TAFA1: variants seen among roughly 807,000 people sequenced by gnomAD.
TAFA1 encodes TAFA chemokine like family member 1, also known as chemokine-like protein TAFA-1.
A neutral mutation model predicts 18.5 loss-of-function variants in TAFA1; 4 were observed. The observed-to-expected ratio is 0.22, with a 90% confidence interval of 0.11 to 0.49. The LOEUF (loss-of-function observed/expected upper bound fraction) is 0.49. TAFA1 is among the 20% of genes least tolerant of loss of function. TAFA1 has a pLI of 0.98. For missense variants in TAFA1, 147 were observed against 169.0 expected, an observed-to-expected ratio of 0.87 and a Z score of 0.72; for synonymous variants, 56 against 55.2, an observed-to-expected ratio of 1.01 and a Z score of -0.06.
intron 2 of TAFA1, among the ~76,000 whole-genome samples, chr3:68,337,990 G>A (rs921329066): frequency 2.0e-5 from 3 of 152,194 alleles, no homozygotes; most frequent in Non-Finnish European, 4.4e-5. Context: ...TGTCAAATTA[G>A]ATTAGCTGGT....
chr3:68,137,928 T>C (rs1020286448), intron 2 of TAFA1, among the ~76,000 whole-genome samples: 2 of 151,836 alleles, frequency 1.3e-5, no homozygotes, highest in Admixed American at 1.3e-4. Context: ...TATTTTCTTA[T>C]AGCCAAATAT....
intron 2 of TAFA1, among the ~76,000 whole-genome samples, chr3:68,010,103 T>A (rs950538238): frequency 6.6e-6 from 1 of 152,174 alleles, no homozygotes; most frequent in Non-Finnish European, 1.5e-5. Flanking sequence ...TCCGCGTGCA[T>A]ACCAAGTATC....
chr3:68,170,997 A>G (rs1024876484), intron 2 of TAFA1, among the ~76,000 whole-genome samples: 2 of 152,200 alleles, frequency 1.3e-5, no homozygotes, highest in South Asian at 4.1e-4. Flanking sequence ...CTGGGGAAGT[A>G]TGATAGGCAG....
intron 3 of TAFA1, among the ~76,000 whole-genome samples, chr3:68,486,083 T>C (rs966725453): frequency 2.2e-5 from 1 of 46,112 alleles, no homozygotes; most frequent in Admixed American, 2.7e-4. Flanking sequence ...TTTTATTTTA[T>C]TTTATTTTAT....
At chr3:68,394,264 A>G (rs1278237881) in intron 2 of TAFA1, among the ~76,000 whole-genome samples, 3 of 152,190 alleles carry the variant, frequency 2.0e-5, no homozygotes, top group Non-Finnish European at 4.4e-5. Flanking sequence ...AGACTTCTTC[A>G]GGGAGAACTA....
intron 3 of TAFA1, among the ~76,000 whole-genome samples, chr3:68,444,503 C>T (rs1396204230): frequency 6.6e-6 from 1 of 152,088 alleles, no homozygotes; most frequent in African/African-American, 2.4e-5. Flanking sequence ...AACAATGCTA[C>T]ACCATGTAAG....
At chr3:68,293,811 T>C (rs2107283288) in intron 2 of TAFA1, among the ~76,000 whole-genome samples, 1 of 152,250 alleles carries the variant, frequency 6.6e-6, no homozygotes, top group East Asian at 1.9e-4. Context: ...AGAACTGTGG[T>C]GAGAAAGGCC....
At chr3:68,138,077 T>C (rs2065628989) in intron 2 of TAFA1, among the ~76,000 whole-genome samples, 1 of 152,268 alleles carries the variant, frequency 6.6e-6, no homozygotes, top group East Asian at 1.9e-4. Flanking sequence ...TATTTGTATA[T>C]ACCTAAGGTG....
intron 2 of TAFA1, among the ~76,000 whole-genome samples, chr3:68,133,508 GT>G (rs1473862290): frequency 1.3e-5 from 2 of 152,156 alleles, no homozygotes; most frequent in Non-Finnish European, 2.9e-5. Context: ...AACATGGAAT[GT>G]TTTTCCATTT....
chr3:68,154,740 C>T (rs1000944393), intron 2 of TAFA1, among the ~76,000 whole-genome samples: 5 of 152,106 alleles, frequency 3.3e-5, no homozygotes, highest in African/African-American at 1.2e-4. Flanking sequence ...AGTTCTCTCC[C>T]TCAGCTTGAA....
intron 2 of TAFA1, among the ~76,000 whole-genome samples, chr3:68,382,261 A>T (rs1268638528): frequency 6.6e-6 from 1 of 152,176 alleles, no homozygotes; most frequent in East Asian, 1.9e-4. Context: ...TGTCTCTGCC[A>T]GGCTTTGGTA....
rs1354099445 is a variant in TAFA1 at position 68,285,338 on chromosome 3, T to C, written c.119-131942T>C. ...GAAAGTGTTGTAAGTGTTGTAAATA[T>C]TGATCTGGATGGTGCTTATATATAG... On this transcript the variant is annotated intron_variant, in intron 2 of 4. Coordinates refer to ENST00000478136, the MANE Select transcript of TAFA1 (RefSeq NM_213609.4). Among the ~76,000 whole-genome samples the C allele has an allele frequency of 2.6e-5, 4 of 152,132 alleles. No individual in the cohort carries two copies. In the East Asian group the frequency reaches 7.7e-4, roughly 29 times the overall value.
At chr3:68,384,221 C>T (rs2070041125) in intron 2 of TAFA1, among the ~76,000 whole-genome samples, 1 of 151,978 alleles carries the variant, frequency 6.6e-6, no homozygotes, top group Admixed American at 6.6e-5. Context: ...CTTCTGCTAG[C>T]TCTGGGATTG....
chr3:68,360,078 T>A (rs1248114802), intron 2 of TAFA1, among the ~76,000 whole-genome samples: 1 of 151,984 alleles, frequency 6.6e-6, no homozygotes, highest in East Asian at 1.9e-4. Flanking sequence ...CAGCTATGAT[T>A]GAAGTATGGT....
At chr3:68,307,961 T>C (rs1209445804) in intron 2 of TAFA1, among the ~76,000 whole-genome samples, 2 of 152,204 alleles carry the variant, frequency 1.3e-5, no homozygotes, top group Admixed American at 1.3e-4. Flanking sequence ...CTGAAATTAT[T>C]ATATATTTTT....
chr3:68,029,423 T>C (rs1575581860), intron 2 of TAFA1, among the ~76,000 whole-genome samples: 1 of 152,236 alleles, frequency 6.6e-6, no homozygotes, highest in Non-Finnish European at 1.5e-5. Context: ...TTTTATAAAA[T>C]GTACAGTTAT....
At chr3:68,322,567 C>T (rs1356844560) in intron 2 of TAFA1, among the ~76,000 whole-genome samples, 1 of 152,154 alleles carries the variant, frequency 6.6e-6, no homozygotes, top group Admixed American at 6.5e-5. Flanking sequence ...CACAGTGGCT[C>T]ATATCTGTAA....
chr3:68,157,680 C>T (rs189732794), intron 2 of TAFA1, among the ~76,000 whole-genome samples: 1,671 of 151,878 alleles, frequency 0.011, 34 homozygotes, highest in African/African-American at 0.039. Flanking sequence ...TTCAGTTTAT[C>T]TCCAAATAGG....
At chr3:68,324,960 A>G (rs6770136) in intron 2 of TAFA1, among the ~76,000 whole-genome samples, 117,723 of 152,020 alleles carry the variant, frequency 0.77, 45,675 homozygotes, top group East Asian at 0.92. Context: ...AGTCTTCATC[A>G]CAGTCACAGA....
Sources: allele counts gnomAD v4.1 joint callset (sites outside exome capture counted in the v4.1 genomes callset), GRCh38; gene constraint gnomAD v4.1.1; transcripts MANE v1.5; gene names NCBI Gene and HGNC (gene_info 2026-07-23, HGNC 2026-07-21).